The following KCTD16 variants were observed in gnomAD, a reference collection of about 807,000 sequenced individuals.
The protein encoded by KCTD16 is BTB/POZ domain-containing protein KCTD16.
Under a neutral mutation model 33.2 loss-of-function variants are expected in KCTD16, and 13 were observed. That is an observed-to-expected ratio of 0.39 (90% CI 0.25 to 0.62). The LOEUF is 0.62. Ranked by LOEUF, KCTD16 falls within the 20% of genes least tolerant of loss-of-function variation. The probability of loss-of-function intolerance (pLI) is 0.50; values close to 1 mark genes in which losing one functional copy is unlikely to be tolerated. For missense variants in KCTD16, 441 were observed against 525.1 expected, an observed-to-expected ratio of 0.84 and a Z score of 1.57; for synonymous variants, 197 against 195.3, an observed-to-expected ratio of 1.01 and a Z score of -0.07.
intron 2 of KCTD16, among the ~76,000 whole-genome samples, chr5:144,191,376 G>C (rs1752838178): frequency 6.6e-6 from 1 of 152,158 alleles, no homozygotes; most frequent in African/African-American, 2.4e-5. Context: ...TTCTTTCACT[G>C]GTGCCTTTTG....
intron 3 of KCTD16, among the ~76,000 whole-genome samples, chr5:144,299,124 A>G (rs567199390): frequency 5.7e-4 from 13 of 22,988 alleles, no homozygotes; most frequent in Admixed American, 9.1e-4. Context: ...ATATATATAT[A>G]TATATATATA....
chr5:144,203,662 A>G (rs936493284), intron 2 of KCTD16, among the ~76,000 whole-genome samples: 2 of 152,338 alleles, frequency 1.3e-5, no homozygotes, highest in South Asian at 4.1e-4. Flanking sequence ...CCTGAGCTCC[A>G]AAGCTATCGT....
intron 3 of KCTD16, among the ~76,000 whole-genome samples, chr5:144,209,126 C>G (rs911844140): frequency 6.6e-6 from 1 of 152,100 alleles, no homozygotes; most frequent in South Asian, 2.1e-4. Flanking sequence ...CCATGTTCTC[C>G]GATTTTGAAT....
At chr5:144,401,044 C>A (rs892843767) in intron 3 of KCTD16, among the ~76,000 whole-genome samples, 8 of 152,090 alleles carry the variant, frequency 5.3e-5, no homozygotes, top group Non-Finnish European at 1.2e-4. Context: ...TATCATGAGA[C>A]CTTGAAGACA....
intron 3 of KCTD16, among the ~76,000 whole-genome samples, chr5:144,259,515 A>C (rs1021726876): frequency 6.6e-6 from 1 of 152,236 alleles, no homozygotes; most frequent in Non-Finnish European, 1.5e-5. Context: ...CAGACCATGT[A>C]GCTGGCTCCC....
chr5:144,389,907 T>C (rs1245447354), intron 3 of KCTD16, among the ~76,000 whole-genome samples: 2 of 152,232 alleles, frequency 1.3e-5, no homozygotes. Context: ...AGTTAGTTTC[T>C]CTTTCTTCTG....
At chr5:144,305,158 A>G (rs1357096942) in intron 3 of KCTD16, among the ~76,000 whole-genome samples, 1 of 152,012 alleles carries the variant, frequency 6.6e-6, no homozygotes, top group African/African-American at 2.4e-5. Context: ...CTCAATCCCA[A>G]ATTCCCAGGT....
At chr5:144,345,048 CTTTGTAGGGACATGGATGTAATTGGGAA>C (rs1752753837) in intron 3 of KCTD16, among the ~76,000 whole-genome samples, 1 of 151,912 alleles carries the variant, frequency 6.6e-6, no homozygotes, top group African/African-American at 2.4e-5. Context: ...AGTTCATGTC[CTTTGTAGGGACATGGATGTAATTGGGAA>C]TCATCATTCT....
intron 3 of KCTD16, among the ~76,000 whole-genome samples, chr5:144,209,848 G>GTA (rs1313507118): frequency 6.9e-6 from 1 of 143,952 alleles, no homozygotes; most frequent in African/African-American, 2.6e-5. Context: ...ATTTATATGT[G>GTA]TATATATATA....
At position 144,266,403 on chromosome 5, in the gene KCTD16, G is replaced by C. The variant is rs550985470; in HGVS notation, c.832+58857G>C. On this transcript the variant is annotated intron_variant, in intron 3 of 3. Coordinates refer to ENST00000512467, the MANE Select transcript of KCTD16 (RefSeq NM_020768.4). ...AGAGAGCCTAGAATATTTGAAGAAG[G>C]CAGTAGAGGGTAGCACCAAAACAAC... 3.9e-5 allele frequency among the ~76,000 whole-genome samples: 6 copies of C among 152,282 alleles called. No homozygotes were observed. The East Asian group carries it at 1.2e-3, about 29-fold the overall frequency.
chr5:144,435,575 A>G (rs1420414402), intron 3 of KCTD16, among the ~76,000 whole-genome samples: 1 of 152,244 alleles, frequency 6.6e-6, no homozygotes, highest in Non-Finnish European at 1.5e-5. Flanking sequence ...AAATTCTGCA[A>G]TAAATATTCT....
chr5:144,328,013 C>T (rs1226626839), intron 3 of KCTD16, among the ~76,000 whole-genome samples: 1 of 152,022 alleles, frequency 6.6e-6, no homozygotes, highest in Non-Finnish European at 1.5e-5. Flanking sequence ...CAAAATGTTT[C>T]ATCAATTAGC....
intron 3 of KCTD16, among the ~76,000 whole-genome samples, chr5:144,444,767 T>A (rs1184078858): frequency 2.6e-5 from 4 of 151,570 alleles, no homozygotes; most frequent in Non-Finnish European, 5.9e-5. Flanking sequence ...TCTAATAATT[T>A]TACTAGAAAT....
chr5:144,246,010 T>C (rs1271168409), intron 3 of KCTD16, among the ~76,000 whole-genome samples: 1 of 152,190 alleles, frequency 6.6e-6, no homozygotes, highest in Non-Finnish European at 1.5e-5. Flanking sequence ...CAGGGCTTTT[T>C]GGGCTATGGT....
intron 3 of KCTD16, among the ~76,000 whole-genome samples, chr5:144,346,372 C>A (rs1752800660): frequency 6.6e-6 from 1 of 152,104 alleles, no homozygotes. Flanking sequence ...TGTGTATACC[C>A]AGCAGTATGA....
At chr5:144,355,587 G>T (rs1751552371) in intron 3 of KCTD16, among the ~76,000 whole-genome samples, 1 of 152,108 alleles carries the variant, frequency 6.6e-6, no homozygotes. Flanking sequence ...TGGCAGGCAG[G>T]GAGAAAATCC....
chr5:144,412,337 G>A (rs1752950717), intron 3 of KCTD16, among the ~76,000 whole-genome samples: 1 of 152,260 alleles, frequency 6.6e-6, no homozygotes, highest in South Asian at 2.1e-4. Flanking sequence ...AAATCATTAA[G>A]CCATAAAAAA....
intron 3 of KCTD16, among the ~76,000 whole-genome samples, chr5:144,403,335 C>T (rs1752744414): frequency 6.6e-6 from 1 of 152,096 alleles, no homozygotes; most frequent in Non-Finnish European, 1.5e-5. Context: ...CTGAATGGGC[C>T]TAATCCAATG....
chr5:144,416,922 G>A (rs964732859), intron 3 of KCTD16, among the ~76,000 whole-genome samples: 1 of 152,070 alleles, frequency 6.6e-6, no homozygotes, highest in Non-Finnish European at 1.5e-5. Context: ...TGTTTGGAAG[G>A]CTCATCTACC....
Sources: allele counts gnomAD v4.1 joint callset (sites outside exome capture counted in the v4.1 genomes callset), GRCh38; gene constraint gnomAD v4.1.1; transcripts MANE v1.5; gene names NCBI Gene and HGNC (gene_info 2026-07-23, HGNC 2026-07-21).